Variants in RAB22A observed in about 807,000 individuals in gnomAD.
The protein encoded by RAB22A is ras-related protein Rab-22A.
RAB22A carries 13 observed loss-of-function variants against 30.2 expected under a neutral mutation model. The observed-to-expected ratio is 0.43, with a 90% confidence interval of 0.28 to 0.68. The LOEUF (loss-of-function observed/expected upper bound fraction) is 0.68, where lower values mean the gene tolerates loss of function less well. Ranked by LOEUF, RAB22A falls within the 30% of genes least tolerant of loss-of-function variation. The pLI is 0.18. For synonymous variants in RAB22A, 89 were observed against 87.2 expected, an observed-to-expected ratio of 1.02 and a Z score of -0.11; for missense variants, 177 against 246.8, an observed-to-expected ratio of 0.72 and a Z score of 1.89.
rs1987243984 is a variant in RAB22A, at chr20:58,362,547, A to T, written c.*2844A>T. On this transcript the variant is annotated 3_prime_UTR_variant, in exon 7 of 7. Transcript: ENST00000244040. ...ACTGTATGTTGATTCTTTTCGGAGAAATTGAAATAAGCTCTTTGCAGGCGT... is the reference window on the plus strand; with the variant it reads ...ACTGTATGTTGATTCTTTTCGGAGATATTGAAATAAGCTCTTTGCAGGCGT... The T allele has an allele frequency of 6.6e-6, 1 of 152,238 alleles. No homozygotes were observed. The highest frequency in any genetic ancestry group is 1.5e-5 in the Non-Finnish European group (1 of 68,044). 9.4% of individuals were successfully genotyped at this position (152,238 alleles called of 1,614,324 possible). A position where few individuals can be genotyped will look rare whatever the true frequency, so the allele number is the denominator to read the frequency against.
At chr20:58,320,693 A>G (rs2041665716) in intron 2 of RAB22A, among the ~76,000 whole-genome samples, 1 of 152,186 alleles carries the variant, frequency 6.6e-6, no homozygotes, top group African/African-American at 2.4e-5. Flanking sequence ...GTGTCTTAGA[A>G]ATATATTTTC....
intron 3 of RAB22A, among the ~76,000 whole-genome samples, chr20:58,351,394 A>G (rs1987047347): frequency 6.6e-6 from 1 of 152,216 alleles, no homozygotes; most frequent in Admixed American, 6.5e-5. Flanking sequence ...ACAACTTAAA[A>G]AATAATACAA....
Position 58,366,972 on chromosome 20 carries a change from T to C in RAB22A, c.*7269T>C, listed in dbSNP as rs1393940595. Reference sequence around the variant, plus strand: ...GCAATCTCTCTTTCTCCTAAGAATGTCATGCCTTCTCAAGACCTGATGAAA... The same window carrying C: ...GCAATCTCTCTTTCTCCTAAGAATGCCATGCCTTCTCAAGACCTGATGAAA... On this transcript the variant is annotated 3_prime_UTR_variant, in exon 7 of 7. Transcript: ENST00000244040. 6.6e-6 allele frequency: 1 copy of C among 152,660 alleles called. No homozygotes were observed. The highest frequency in any genetic ancestry group is 2.4e-5 in the African/African-American group (1 of 41,472). 9.5% of individuals were successfully genotyped at this position (152,660 alleles called of 1,614,324 possible). A position where few individuals can be genotyped will look rare whatever the true frequency, so the allele number is the denominator to read the frequency against.
intron 3 of RAB22A, among the ~76,000 whole-genome samples, chr20:58,344,371 T>G (rs1223396359): frequency 6.6e-6 from 1 of 152,164 alleles, no homozygotes; most frequent in Non-Finnish European, 1.5e-5. Context: ...CTAATGGAAT[T>G]TGGGGAAGCC....
chr20:58,350,051 G>A (rs534307927), intron 3 of RAB22A, among the ~76,000 whole-genome samples: 93 of 152,080 alleles, frequency 6.1e-4, no homozygotes, highest in Admixed American at 1.2e-3. Flanking sequence ...TGCTTGAGTC[G>A]AGGAGTTCCA....
At chr20:58,355,271 G>A (rs1037919090) in intron 6 of RAB22A, among the ~76,000 whole-genome samples, 1 of 152,210 alleles carries the variant, frequency 6.6e-6, no homozygotes, top group Admixed American at 6.5e-5. Context: ...AGCAGAGCAG[G>A]CCCAGGTGAA....
rs151283313 is a variant in RAB22A, at chr20:58,321,679, C to T, written c.116+10557C>T. Among the ~76,000 whole-genome samples the T allele has an allele frequency of 2.2e-3, 339 of 152,150 alleles. 3 individuals carry two copies. Among genetic ancestry groups the T allele is most frequent in the African/African-American group, 7.8e-3 (325 of 41,508 alleles). On this transcript the variant is annotated intron_variant, in intron 2 of 6. Transcript: ENST00000244040. ...TTTAATCAGGTTTTGCTTCATGTTT[C>T]GAAGCTTTCGTTATTGAGTGTATAT...
At chr20:58,310,717 A>G (rs545528773) in intron 1 of RAB22A, among the ~76,000 whole-genome samples, 1 of 152,354 alleles carries the variant, frequency 6.6e-6, no homozygotes, top group South Asian at 2.1e-4. Context: ...ATCAGGGATT[A>G]CTCAGAGGTA....
rs1190895370 is a variant in RAB22A, at chr20:58,362,881, G to A, written c.*3178G>A. On this transcript the variant is annotated 3_prime_UTR_variant, in exon 7 of 7. Transcript: ENST00000244040. ...GGACTTTTGTGTGAGAGGCTTGAGCGCCTCCTCTATGTGGGCTGGTGTCCT... is the reference window on the plus strand; with the variant it reads ...GGACTTTTGTGTGAGAGGCTTGAGCACCTCCTCTATGTGGGCTGGTGTCCT... The A allele has an allele frequency of 1.3e-5, 2 of 152,108 alleles. No homozygotes were observed. Among genetic ancestry groups the A allele is most frequent in the Non-Finnish European group, 1.5e-5 (1 of 68,012 alleles). 9.4% of individuals were successfully genotyped at this position (152,108 alleles called of 1,614,324 possible).
chr20:58,361,655 G>A lies in RAB22A; in HGVS notation c.*1952G>A, dbSNP rs1275007002. On this transcript the variant is annotated 3_prime_UTR_variant, in exon 7 of 7. Transcript: ENST00000244040. The stretch of plus-strand genomic sequence containing the variant: ...AGGCATCCGGGCACCACCCTGGTGT[G>A]TCCCTAGAATTCCCACTGCTGGGCC... 1 of 152,134 alleles carries A rather than the reference G, an allele frequency of 6.6e-6. No individual in the cohort carries two copies. Among genetic ancestry groups the A allele is most frequent in the East Asian group, 1.9e-4 (1 of 5,196 alleles). 9.4% of individuals were successfully genotyped at this position (152,134 alleles called of 1,614,324 possible).
chr20:58,340,790 T>C (rs1053131499), intron 2 of RAB22A, among the ~76,000 whole-genome samples: 13 of 152,036 alleles, frequency 8.6e-5, no homozygotes, highest in African/African-American at 2.9e-4. Flanking sequence ...GGTGGGAGGC[T>C]GCCTGGTGGG....
intron 2 of RAB22A, among the ~76,000 whole-genome samples, chr20:58,337,772 C>T (rs1337025303): frequency 6.6e-6 from 1 of 152,136 alleles, no homozygotes; most frequent in Non-Finnish European, 1.5e-5. Flanking sequence ...CCTAACTGCA[C>T]CTCTCACCAG....
chr20:58,333,861 A>G (rs1257588853), intron 2 of RAB22A, among the ~76,000 whole-genome samples: 3 of 152,164 alleles, frequency 2.0e-5, no homozygotes. Context: ...GTTCAAGACC[A>G]GCTTGGGTGG....
At chr20:58,351,056 TA>T (rs1987040057) in intron 3 of RAB22A, among the ~76,000 whole-genome samples, 1 of 152,150 alleles carries the variant, frequency 6.6e-6, no homozygotes, top group Admixed American at 6.5e-5. Flanking sequence ...AAACGTGCAG[TA>T]GTCCAGACAC....
chr20:58,322,083 C>G (rs1986471426), intron 2 of RAB22A, among the ~76,000 whole-genome samples: 1 of 152,198 alleles, frequency 6.6e-6, no homozygotes, highest in South Asian at 2.1e-4. Context: ...CAGGCATGAG[C>G]CACCTCACCG....
chr20:58,336,316 G>T (rs1243446486), intron 2 of RAB22A, among the ~76,000 whole-genome samples: 1 of 151,812 alleles, frequency 6.6e-6, no homozygotes, highest in Non-Finnish European at 1.5e-5. Flanking sequence ...CCGGCCGCTG[G>T]TTTTTTTTCA....
At chr20:58,335,028 A>G (rs573673519) in intron 2 of RAB22A, among the ~76,000 whole-genome samples, 1 of 152,240 alleles carries the variant, frequency 6.6e-6, no homozygotes, top group Non-Finnish European at 1.5e-5. Context: ...ATCTCTCAAC[A>G]TAAGAATGGG....
At chr20:58,322,657 G>C (rs1986483301) in intron 2 of RAB22A, among the ~76,000 whole-genome samples, 1 of 152,002 alleles carries the variant, frequency 6.6e-6, no homozygotes, top group Non-Finnish European at 1.5e-5. Flanking sequence ...TGATATATCA[G>C]TCTGTGTTCA....
rs1476716521 is a variant in RAB22A, at chr20:58,360,898, G to T, written c.*1195G>T. 6.6e-6 allele frequency: 1 copy of T among 152,564 alleles called. No homozygotes were observed. Among genetic ancestry groups the T allele is most frequent in the Non-Finnish European group, 1.5e-5 (1 of 68,028 alleles). The allele number at this position is 152,564 out of a possible 1,614,324, so 9.5% of individuals were successfully genotyped here. A position where few individuals can be genotyped will look rare whatever the true frequency, so the allele number is the denominator to read the frequency against. On this transcript the variant is annotated 3_prime_UTR_variant, in exon 7 of 7. Transcript: ENST00000244040. Reference sequence around the variant, plus strand: ...ACCTGACTAGTCCTTACTAGCCTGAGGGTAAAAGATTAAGCTCCAACCTCA... The same window carrying T: ...ACCTGACTAGTCCTTACTAGCCTGATGGTAAAAGATTAAGCTCCAACCTCA...
Sources: allele counts gnomAD v4.1 joint callset (sites outside exome capture counted in the v4.1 genomes callset), GRCh38; gene constraint gnomAD v4.1.1; transcripts MANE v1.5; gene names NCBI Gene and HGNC (gene_info 2026-07-23, HGNC 2026-07-21).